The following CCNC variants were observed in gnomAD, a reference collection of about 807,000 sequenced individuals.
The protein encoded by CCNC is cyclin C, also known as cyclin-C.
Under a neutral mutation model 50.0 loss-of-function variants are expected in CCNC, and 19 were observed. That is an observed-to-expected ratio of 0.38 (90% CI 0.27 to 0.56). CCNC has a LOEUF of 0.56. Ranked by LOEUF, CCNC falls within the 20% of genes least tolerant of loss-of-function variation. The pLI is 0.72. For synonymous variants in CCNC, 93 were observed against 103.7 expected (o/e 0.90, Z 0.63); for missense variants, 200 against 327.1 (o/e 0.61, Z 3.00).
intron 5 of CCNC, among the ~76,000 whole-genome samples, chr6:99,554,692 T>A (rs1441251558): frequency 6.6e-6 from 1 of 152,254 alleles, no homozygotes; most frequent in African/African-American, 2.4e-5. Context: ...TGAATACTTC[T>A]TTATTACTGG....
intron 9 of CCNC, among the ~76,000 whole-genome samples, chr6:99,548,464 C>G (rs992453552): frequency 6.6e-6 from 1 of 151,968 alleles, no homozygotes; most frequent in East Asian, 1.9e-4. Flanking sequence ...AACAACTGAA[C>G]AAAGACAAAC....
chr6:99,549,727 C>G (rs1802215041), intron 8 of CCNC, 152 bp from the exon 9 acceptor site: 1 of 522,240 alleles, frequency 1.9e-6, no homozygotes, highest in Admixed American at 3.3e-5. Context: ...AACATCAAGG[C>G]AAAAGGATGG....
intron 11 of CCNC, 120 bp downstream of exon 11, chr6:99,544,992 C>A: frequency 1.7e-6 from 1 of 593,180 alleles, no homozygotes; most frequent in South Asian, 2.4e-5. Flanking sequence ...ATAAAATTAA[C>A]ATGGATCATG....
intron 1 of CCNC, among the ~76,000 whole-genome samples, chr6:99,564,051 T>C (rs2114410849): frequency 6.6e-6 from 1 of 152,312 alleles, no homozygotes; most frequent in East Asian, 1.9e-4. Flanking sequence ...GGTAACTTAT[T>C]GATACACATT....
chr6:99,557,402 G>C (rs949080749), intron 5 of CCNC: 1 of 152,158 alleles, frequency 6.6e-6, no homozygotes. Flanking sequence ...AGTTTACCAA[G>C]TATTGTGGAC....
chr6:99,554,763 T>C (rs1338665998), intron 5 of CCNC, among the ~76,000 whole-genome samples: 1 of 152,054 alleles, frequency 6.6e-6, no homozygotes, highest in Non-Finnish European at 1.5e-5. Context: ...GAATCAACCA[T>C]TTCTCCAAGG....
intron 5 of CCNC, 149 bp downstream of exon 5, chr6:99,558,348 C>A: frequency 8.4e-7 from 1 of 1,185,240 alleles, no homozygotes. Context: ...ATTTTTTTGC[C>A]AGATACACTA....
chr6:99,566,880 C>T (rs1422799699), intron 1 of CCNC: 1 of 441,502 alleles, frequency 2.3e-6, no homozygotes, highest in African/African-American at 2.0e-5. Context: ...ATCAATTGCC[C>T]TCTTTCACCA....
intron 1 of CCNC, among the ~76,000 whole-genome samples, chr6:99,563,556 C>T (rs1190530329): frequency 2.0e-5 from 3 of 152,102 alleles, no homozygotes; most frequent in African/African-American, 7.2e-5. Flanking sequence ...TATTTGAAGT[C>T]TTATGTCAAT....
At chr6:99,565,290 T>C (rs1230698691) in intron 1 of CCNC, among the ~76,000 whole-genome samples, 2 of 152,094 alleles carry the variant, frequency 1.3e-5, no homozygotes, top group African/African-American at 2.4e-5. Context: ...ATTCAAACTC[T>C]ATTAAAATCT....
chr6:99,545,024 A>T (rs539269021), intron 11 of CCNC, 88 bp downstream of exon 11: 16 of 658,048 alleles, frequency 2.4e-5, no homozygotes, highest in African/African-American at 2.0e-4. Flanking sequence ...GAAATGTTTT[A>T]AAAACTACAA....
At chr6:99,550,591 C>T in intron 7 of CCNC, 1 of 351,182 alleles carries the variant, frequency 2.8e-6, no homozygotes, top group East Asian at 4.8e-5. Flanking sequence ...ATCTGCAACA[C>T]ACTGAAACCT....
At chr6:99,545,295 A>G (rs1562486685) in intron 10 of CCNC, 65 bp from the exon 11 acceptor site, 1 of 801,302 alleles carries the variant, frequency 1.2e-6, no homozygotes, top group Non-Finnish European at 2.2e-6. Flanking sequence ...TATAAAGAGC[A>G]TACATCACTA....
At chr6:99,568,114 A>G (rs755851699) in intron 1 of CCNC, 1 of 198,092 alleles carries the variant, frequency 5.0e-6, no homozygotes, top group Non-Finnish European at 1.0e-5. Context: ...CCCAGGTAAA[A>G]GCACGCCACA....
At chr6:99,545,700 CACCTGAGTAGAACCTA>C (rs1174613191) in intron 10 of CCNC, among the ~76,000 whole-genome samples, 1 of 152,096 alleles carries the variant, frequency 6.6e-6, no homozygotes, top group African/African-American at 2.4e-5. Context: ...ATTTTTTTCC[CACCTGAGTAGAACCTA>C]ACCTTAGGAT....
At chr6:99,561,277 T>C in intron 4 of CCNC, 90 bp downstream of exon 4, 1 of 823,174 alleles carries the variant, frequency 1.2e-6, no homozygotes, top group Middle Eastern at 2.4e-4. Flanking sequence ...TTACCATTTA[T>C]TAATTTTACA....
In CCNC at chr6:99,562,961, T is replaced by C. The variant is rs762411572; in HGVS notation, c.33-13A>G. ...AATCCATTGCAAACTAGAAAAGACA[T>C]GTTACAGAAAATCAACAAGCAAGGT... On this transcript the variant is annotated splice_polypyrimidine_tract_variant and intron_variant, in intron 1 of 11. Coordinates refer to ENST00000520429, the MANE Select transcript of CCNC (RefSeq NM_005190.4). 6.6e-6 allele frequency: 10 copies of C among 1,519,330 alleles called. No individual in the cohort carries two copies. The East Asian group carries it at 6.8e-5, about 10-fold the overall frequency. 94.1% of individuals were successfully genotyped at this position (1,519,330 alleles called of 1,614,324 possible).
chr6:99,558,244 C>A, intron 5 of CCNC: 2 of 438,944 alleles, frequency 4.6e-6, no homozygotes, highest in Non-Finnish European at 7.7e-6. Flanking sequence ...GATTAAAAGC[C>A]ACTGAGTTGA....
intron 1 of CCNC, among the ~76,000 whole-genome samples, chr6:99,565,420 A>T (rs1769083702): frequency 6.6e-6 from 1 of 151,956 alleles, no homozygotes; most frequent in African/African-American, 2.4e-5. Context: ...TCCATTTTTA[A>T]AAAGCTTTTA....
Sources: allele counts gnomAD v4.1 joint callset (sites outside exome capture counted in the v4.1 genomes callset), GRCh38; gene constraint gnomAD v4.1.1; transcripts MANE v1.5; gene names NCBI Gene and HGNC (gene_info 2026-07-23, HGNC 2026-07-21).